The following TPRG1 variants were observed in gnomAD, a reference collection of about 807,000 sequenced individuals.
TPRG1 encodes the protein tumor protein p63 regulated 1, also known as tumor protein p63-regulated gene 1 protein.
A neutral mutation model predicts 29.3 loss-of-function variants in TPRG1; 29 were observed. That is an observed-to-expected ratio of 0.99 (90% CI 0.74 to 1.35). The LOEUF is 1.35. Ranked by LOEUF, TPRG1 falls within the 40% of genes most tolerant of loss-of-function variation. TPRG1 has a pLI of 0.00. For synonymous variants in TPRG1, 130 were observed against 116.8 expected (o/e 1.11, Z -0.73); for missense variants, 327 against 335.0 (o/e 0.98, Z 0.19).
intron 4 of TPRG1, among the ~76,000 whole-genome samples, chr3:189,285,573 T>C (rs1437335578): frequency 2.0e-5 from 3 of 152,264 alleles, no homozygotes; most frequent in African/African-American, 7.2e-5. Flanking sequence ...TGTGAATGTC[T>C]GAAAGAGCAA....
chr3:189,266,108 T>C (rs1317137006), intron 4 of TPRG1, among the ~76,000 whole-genome samples: 1 of 152,174 alleles, frequency 6.6e-6, no homozygotes, highest in African/African-American at 2.4e-5. Flanking sequence ...ACTTAATGGC[T>C]TTGCTACCGA....
At chr3:189,012,465 G>T (rs1480954784) in intron 3 of TPRG1, among the ~76,000 whole-genome samples, 3 of 152,158 alleles carry the variant, frequency 2.0e-5, no homozygotes, top group Admixed American at 1.3e-4. Context: ...GCATCCCAGG[G>T]ATGAAGCCTA....
At chr3:189,067,542 CA>C (rs921145723) in intron 4 of TPRG1, among the ~76,000 whole-genome samples, 17 of 152,084 alleles carry the variant, frequency 1.1e-4, no homozygotes, top group Admixed American at 9.2e-4. Flanking sequence ...TCTTTCTCAA[CA>C]AAGGTATCGA....
At chr3:189,185,465 A>T (rs1578715330) in intron 1 of TPRG1, among the ~76,000 whole-genome samples, 1 of 152,102 alleles carries the variant, frequency 6.6e-6, no homozygotes, top group East Asian at 1.9e-4. Flanking sequence ...GGCTCAAGCG[A>T]TCCCCCAATC....
chr3:189,218,573 A>G (rs1316609856), intron 3 of TPRG1, among the ~76,000 whole-genome samples: 2 of 152,196 alleles, frequency 1.3e-5, no homozygotes, highest in Non-Finnish European at 2.9e-5. Flanking sequence ...TTTCAGAATG[A>G]TGAGAGTAAA....
chr3:189,036,010 G>A (rs1347513015), intron 4 of TPRG1, among the ~76,000 whole-genome samples: 1 of 151,870 alleles, frequency 6.6e-6, no homozygotes, highest in East Asian at 1.9e-4. Context: ...GGAAAGACAT[G>A]GAATCAATCT....
At chr3:189,018,240 T>A (rs1245326200) in intron 3 of TPRG1, among the ~76,000 whole-genome samples, 3 of 145,414 alleles carry the variant, frequency 2.1e-5, no homozygotes, top group Non-Finnish European at 3.0e-5. Flanking sequence ...TTTAATTAGA[T>A]CCCATTTGTC....
intron 4 of TPRG1, among the ~76,000 whole-genome samples, chr3:189,087,408 C>T (rs1718024407): frequency 3.3e-5 from 5 of 152,012 alleles, no homozygotes; most frequent in Admixed American, 3.3e-4. Context: ...GGATATTAGC[C>T]CTTTGTCAGA....
intron 4 of TPRG1, among the ~76,000 whole-genome samples, chr3:189,289,819 T>A (rs1718698075): frequency 6.6e-6 from 1 of 152,206 alleles, no homozygotes; most frequent in Non-Finnish European, 1.5e-5. Context: ...TTGCCCACGA[T>A]GCTCTATTAT....
chr3:189,099,429 C>A (rs750110269), upstream of TPRG1, among the ~76,000 whole-genome samples: 1 of 151,978 alleles, frequency 6.6e-6, no homozygotes, highest in Non-Finnish European at 1.5e-5. Flanking sequence ...GCAGGCCGAG[C>A]GGTGGTGTGA....
intron 4 of TPRG1, among the ~76,000 whole-genome samples, chr3:189,266,427 G>A (rs922023931): frequency 6.6e-6 from 1 of 152,130 alleles, no homozygotes; most frequent in African/African-American, 2.4e-5. Context: ...GAAAAGGAGT[G>A]TTCATCATTC....
chr3:189,315,381 A>G (rs1392724853), intron 5 of TPRG1: 1 of 406,194 alleles, frequency 2.5e-6, no homozygotes, highest in Non-Finnish European at 4.9e-6. Context: ...ATGGTATAAT[A>G]TTGTATCTCA....
chr3:189,292,603 T>G (rs1382134265), intron 4 of TPRG1, among the ~76,000 whole-genome samples: 1 of 152,202 alleles, frequency 6.6e-6, no homozygotes, highest in African/African-American at 2.4e-5. Context: ...ACCACCACTC[T>G]TACCTCTTCT....
chr3:189,164,626 TCCCTTTTTTTTAAAAAAAAAA>T (rs1727917720), intron 5 of TPRG1, among the ~76,000 whole-genome samples: 1 of 102,714 alleles, frequency 9.7e-6, no homozygotes, highest in Admixed American at 9.3e-5. Context: ...AATAAAAGCT[TCCCTTTTTTTTAAAAAAAAAA>T]GGTATCTGAA....
rs565300419 is a variant in TPRG1 at position 189,290,442 on chromosome 3, T to C, written c.480-19944T>C. On this transcript the variant is annotated intron_variant, in intron 4 of 5. Transcript: ENST00000345063. ...TAGAGTGTGATAAAGTAAAGAGAAA[T>C]ATGGAAGATGACTTGATGATATCTT... Among the ~76,000 whole-genome samples, 257 of 152,186 alleles carry C rather than the reference T, an allele frequency of 1.7e-3. 1 individual carries two copies. Among genetic ancestry groups the C allele is most frequent in the Non-Finnish European group, 3.2e-3 (218 of 68,026 alleles).
rs113529104 is a variant in TPRG1, at chr3:189,256,675, G to T, written c.479+17766G>T. The stretch of plus-strand genomic sequence containing the variant: ...GTAGGTCTCTAAGAACTTGCTTTAT[G>T]AATCTGGGTGCTCCTGTATTGGGTG... On this transcript the variant is annotated intron_variant, in intron 4 of 5. Coordinates refer to ENST00000345063, the MANE Select transcript of TPRG1 (RefSeq NM_198485.4). Among the ~76,000 whole-genome samples the T allele has an allele frequency of 3.8e-3, 586 of 152,276 alleles. 3 individuals carry two copies. The highest frequency in any genetic ancestry group is 0.013 in the African/African-American group (535 of 41,570).
intron 3 of TPRG1, among the ~76,000 whole-genome samples, chr3:189,227,844 A>G (rs1737997520): frequency 6.6e-6 from 1 of 152,244 alleles, no homozygotes; most frequent in South Asian, 2.1e-4. Context: ...ATTTCTGGCC[A>G]GGCACAGTGG....
intron 3 of TPRG1, among the ~76,000 whole-genome samples, chr3:189,217,199 CTTGAT>C (rs1736200665): frequency 6.6e-6 from 1 of 152,164 alleles, no homozygotes; most frequent in African/African-American, 2.4e-5. Context: ...ATTCTGCCTG[CTTGAT>C]TTAACATCAA....
At chr3:189,233,475 C>T (rs115236714) in intron 3 of TPRG1, among the ~76,000 whole-genome samples, 6 of 152,168 alleles carry the variant, frequency 3.9e-5, no homozygotes, top group Non-Finnish European at 8.8e-5. Flanking sequence ...TGAAGACTCA[C>T]GAGTTCTCAG....
Sources: allele counts gnomAD v4.1 joint callset (sites outside exome capture counted in the v4.1 genomes callset), GRCh38; gene constraint gnomAD v4.1.1; transcripts MANE v1.5; gene names NCBI Gene and HGNC (gene_info 2026-07-23, HGNC 2026-07-21).